GPR176: variants seen among roughly 807,000 people sequenced by gnomAD.
GPR176 encodes the protein G-protein coupled receptor 176.
Under a neutral mutation model 35.4 loss-of-function variants are expected in GPR176, and 26 were observed. The ratio of observed to expected loss-of-function variants is 0.74; its 90% CI spans 0.54 to 1.02. The LOEUF (loss-of-function observed/expected upper bound fraction) is 1.02. Among genes scored for constraint, GPR176 ranks in the 50% least tolerant of loss-of-function variants. The pLI is 0.00. For missense variants in GPR176, 597 were observed against 665.3 expected, an observed-to-expected ratio of 0.90 and a Z score of 1.13; for synonymous variants, 278 against 271.3, an observed-to-expected ratio of 1.02 and a Z score of -0.24.
chr15:39,893,709 C>T (rs1331637969), intron 1 of GPR176, among the ~76,000 whole-genome samples: 4 of 148,248 alleles, frequency 2.7e-5, no homozygotes, highest in South Asian at 2.2e-4. Context: ...ACCTCCCGGG[C>T]GGGGCGGCTG....
chr15:39,895,752 T>C (rs2033094010), intron 1 of GPR176, among the ~76,000 whole-genome samples: 1 of 152,220 alleles, frequency 6.6e-6, no homozygotes, highest in Non-Finnish European at 1.5e-5. Flanking sequence ...ACATTAATAA[T>C]ATTTGCCAGT....
At chr15:39,814,984 G>A (rs1252035798) in intron 1 of GPR176, 1 of 152,220 alleles carries the variant, frequency 6.6e-6, no homozygotes, top group Non-Finnish European at 1.5e-5. Context: ...CTATGTGCAA[G>A]AGGCATTGTG....
intron 1 of GPR176, among the ~76,000 whole-genome samples, chr15:39,874,786 G>A (rs1160584824): frequency 6.6e-6 from 1 of 152,128 alleles, no homozygotes; most frequent in Non-Finnish European, 1.5e-5. Context: ...GCTCATGTGT[G>A]TAATCCCAGC....
intron 1 of GPR176, among the ~76,000 whole-genome samples, chr15:39,847,019 A>G (rs561261004): frequency 6.6e-6 from 1 of 152,282 alleles, no homozygotes; most frequent in East Asian, 1.9e-4. Context: ...GAGTAAAGGG[A>G]CATAAAGGGA....
Position 39,919,905 on chromosome 15 carries a change from C to A in GPR176, c.122G>T (p.Arg41Leu), listed in dbSNP as rs1430793324. Residue 41 changes from arginine (R) to leucine (L), a missense_variant, in exon 1 of 3, where the codon CGC (arginine) becomes CTC (leucine). By Grantham distance (102) the Arg-to-Leu change is moderately radical. Transcript: ENST00000561100. ...LGEFGEAQLY[R>L]QFTTTVQVVI... ...GACCTGCACGGTGGTGGTGAACTGG[C>A]GGTACAGCTGCGCCTCGCCGAACTC... The A allele has an allele frequency of 6.6e-7, 1 of 1,524,792 alleles. No homozygotes were observed. Among genetic ancestry groups the A allele is most frequent in the Non-Finnish European group, 8.8e-7 (1 of 1,140,444 alleles). The allele number at this position is 1,524,792 out of a possible 1,614,324, so 94.5% of individuals were successfully genotyped here.
intron 1 of GPR176, among the ~76,000 whole-genome samples, chr15:39,811,527 T>G (rs925339103): frequency 6.6e-6 from 1 of 152,170 alleles, no homozygotes; most frequent in African/African-American, 2.4e-5. Context: ...TTTGGAATAT[T>G]TGCATCATAT....
chr15:39,919,870 T>C lies in GPR176; in HGVS notation c.157A>G (p.Ile53Val). 6.8e-7 allele frequency: 1 copy of C among 1,460,986 alleles called. No homozygotes were observed. The highest frequency in any genetic ancestry group is 1.4e-5 in the South Asian group (1 of 69,048). The allele number at this position is 1,460,986 out of a possible 1,614,324, so 90.5% of individuals were successfully genotyped here. ...GGAGGCTTACCGAGCAGCGAGCCTATGAAGATGACGACCTGCACGGTGGTG... is the reference window on the plus strand; with the variant it reads ...GGAGGCTTACCGAGCAGCGAGCCTACGAAGATGACGACCTGCACGGTGGTG... ...FTTTVQVVIF[I>V]GSLLGNFMVL... is the part of the protein sequence containing the mutation. The change falls in exon 1 of 3, where the codon ATA becomes GTA. Residue 53 changes from isoleucine to valine, a missense_variant. By Grantham distance (29) the Ile-to-Val change is conservative. Transcript: ENST00000561100.
At chr15:39,832,244 T>C (rs1028027348) in intron 1 of GPR176, among the ~76,000 whole-genome samples, 2 of 152,204 alleles carry the variant, frequency 1.3e-5, no homozygotes, top group East Asian at 1.9e-4. Flanking sequence ...TGTAGAGAAA[T>C]TGGAACCCTC....
intron 1 of GPR176, among the ~76,000 whole-genome samples, chr15:39,900,157 T>C (rs1378073817): frequency 6.6e-6 from 1 of 151,302 alleles, no homozygotes; most frequent in Non-Finnish European, 1.5e-5. Flanking sequence ...TGATAAAATC[T>C]AGGTAAATTT....
At chr15:39,859,613 T>G (rs2031465526) in intron 1 of GPR176, among the ~76,000 whole-genome samples, 1 of 152,220 alleles carries the variant, frequency 6.6e-6, no homozygotes, top group Non-Finnish European at 1.5e-5. Flanking sequence ...GTATGAAGAT[T>G]TCTCAAAAAA....
chr15:39,801,694 T>G lies in GPR176; in HGVS notation c.986A>C (p.Lys329Thr). The stretch of plus-strand genomic sequence containing the variant: ...TTGCACCAGGGTCCCTATCAAGCAC[T>G]TGCGGACAGATTTGTTCACAGTAAG... The part of the protein sequence containing the change: ...LFLTVNKSVR[K>T]CLIGTLVQLH... Residue 329 changes from lysine to threonine, a missense_variant, in exon 3 of 3, where the codon AAG (lysine) becomes ACG (threonine). By Grantham distance (78) the Lys-to-Thr change is moderately conservative. This residue lies in a region of GPR176 where 251 missense variants were observed against 255.4 expected (regional missense o/e 0.98). Transcript: ENST00000561100. 1.2e-6 allele frequency: 2 copies of G among 1,613,794 alleles called. No homozygotes were observed. The highest frequency in any genetic ancestry group is 1.7e-6 in the Non-Finnish European group (2 of 1,179,744).
chr15:39,880,742 C>A (rs1226229203), intron 1 of GPR176, among the ~76,000 whole-genome samples: 2 of 152,128 alleles, frequency 1.3e-5, no homozygotes, highest in African/African-American at 2.4e-5. Flanking sequence ...GCAACCTTCA[C>A]CCCTGGTCAA....
chr15:39,816,952 C>T (rs1899945487), intron 1 of GPR176, among the ~76,000 whole-genome samples: 1 of 150,072 alleles, frequency 6.7e-6, no homozygotes, highest in Admixed American at 6.7e-5. Flanking sequence ...ACCTGTAGTC[C>T]CAGCCTCTTA....
chr15:39,845,418 A>G (rs2030348271), intron 1 of GPR176, among the ~76,000 whole-genome samples: 1 of 151,810 alleles, frequency 6.6e-6, no homozygotes, highest in Non-Finnish European at 1.5e-5. Flanking sequence ...GAAGAAATGA[A>G]TTTCAGGTAG....
intron 1 of GPR176, among the ~76,000 whole-genome samples, chr15:39,917,874 G>A (rs1248466038): frequency 6.6e-6 from 1 of 151,516 alleles, no homozygotes; most frequent in African/African-American, 2.4e-5. Context: ...GTGAAACCCC[G>A]TCTCTACTAA....
At chr15:39,842,740 A>G (rs2030108640) in intron 1 of GPR176, among the ~76,000 whole-genome samples, 1 of 152,064 alleles carries the variant, frequency 6.6e-6, no homozygotes, top group African/African-American at 2.4e-5. Flanking sequence ...CTCTAGAACT[A>G]TGAGAAATAA....
chr15:39,902,162 T>C (rs1407641334), intron 1 of GPR176, among the ~76,000 whole-genome samples: 1 of 152,144 alleles, frequency 6.6e-6, no homozygotes, highest in Non-Finnish European at 1.5e-5. Flanking sequence ...AACTCAATAA[T>C]TTGCATTTTG....
At chr15:39,826,549 T>C (rs775076817) in intron 1 of GPR176, among the ~76,000 whole-genome samples, 8 of 152,170 alleles carry the variant, frequency 5.3e-5, no homozygotes, top group South Asian at 2.1e-4. Context: ...AAGGTGACCA[T>C]TGCAGAGCTG....
chr15:39,824,405 A>C (rs1900485806), intron 1 of GPR176, among the ~76,000 whole-genome samples: 1 of 152,202 alleles, frequency 6.6e-6, no homozygotes. Flanking sequence ...CACTAAGTTT[A>C]CCTCACTTTT....
Sources: gnomAD v4.1 joint callset for allele counts (sites outside exome capture counted in the v4.1 genomes callset) on GRCh38, gnomAD v4.1.1 for gene constraint, gnomAD v4.1.1 regional missense constraint, MANE v1.5 for transcripts, NCBI Gene and HGNC (gene_info 2026-07-23, HGNC 2026-07-21) for gene names.